The following FHL5 variants were observed in gnomAD, a reference collection of about 807,000 sequenced individuals.
The protein encoded by FHL5 is four and a half LIM domains 5.
FHL5 carries 33 observed loss-of-function variants against 32.0 expected under a neutral mutation model. The ratio of observed to expected loss-of-function variants is 1.03; its 90% confidence interval spans 0.78 to 1.38. The LOEUF is 1.38. Ranked by LOEUF, FHL5 falls within the 40% of genes most tolerant of loss-of-function variation. FHL5 has a pLI of 0.00. For synonymous variants in FHL5, 114 were observed against 113.6 expected (o/e 1.00, Z -0.02); for missense variants, 336 against 343.9 (o/e 0.98, Z 0.18).
intron 5 of FHL5, among the ~76,000 whole-genome samples, chr6:96,613,142 T>A (rs948978994): frequency 1.3e-5 from 2 of 152,328 alleles, no homozygotes; most frequent in Non-Finnish European, 2.9e-5. Flanking sequence ...TATGATAAGG[T>A]AATAGATATG....
chr6:96,588,384 A>G (rs1392853803), intron 1 of FHL5, among the ~76,000 whole-genome samples: 1 of 151,788 alleles, frequency 6.6e-6, no homozygotes, highest in Non-Finnish European at 1.5e-5. Flanking sequence ...CTAATTTTGT[A>G]TTTTCAGTAG....
At chr6:96,614,949 A>T (rs150851083) in intron 5 of FHL5, among the ~76,000 whole-genome samples, 43 of 152,314 alleles carry the variant, frequency 2.8e-4, no homozygotes, top group African/African-American at 9.9e-4. Context: ...AGATTCAACA[A>T]AAGCTGAAGC....
At chr6:96,602,139 G>T (rs1771161070) in intron 1 of FHL5, among the ~76,000 whole-genome samples, 1 of 152,122 alleles carries the variant, frequency 6.6e-6, no homozygotes, top group African/African-American at 2.4e-5. Context: ...TTCATCACTA[G>T]AATAAGGCAA....
At chr6:96,562,976 T>C (rs531868369), upstream of FHL5, 5 of 152,330 alleles carry the variant, frequency 3.3e-5, no homozygotes, top group South Asian at 1.0e-3. Flanking sequence ...TGTGTATGCG[T>C]CTGTGTGAAC....
chr6:96,600,366 A>G (rs1304824228), intron 1 of FHL5, among the ~76,000 whole-genome samples: 2 of 152,090 alleles, frequency 1.3e-5, no homozygotes, highest in Admixed American at 6.6e-5. Context: ...TATTCTCACG[A>G]CTCAACATTT....
chr6:96,611,262 A>G (rs2127975452), intron 5 of FHL5, among the ~76,000 whole-genome samples: 1 of 152,348 alleles, frequency 6.6e-6, no homozygotes, highest in Non-Finnish European at 1.5e-5. Context: ...ATTAAACTTC[A>G]TTTTAAGATG....
intron 1 of FHL5, among the ~76,000 whole-genome samples, chr6:96,594,941 TC>T (rs1485395849): frequency 6.6e-6 from 1 of 152,106 alleles, no homozygotes; most frequent in East Asian, 1.9e-4. Context: ...AATGCTATTT[TC>T]CCCAGTACAT....
At chr6:96,583,429 C>G (rs898869510) in intron 1 of FHL5, among the ~76,000 whole-genome samples, 2 of 152,096 alleles carry the variant, frequency 1.3e-5, no homozygotes, top group Admixed American at 1.3e-4. Context: ...AATTCAGCCA[C>G]TCATTGCACC....
rs1168636713 is a variant in FHL5, at chr6:96,602,426, C to CTTTTTTTTTTTTTTTT, written c.-12-1153_-12-1138dup. ...ACCTGGAAATCTATATGCGTTGTTT[C>CTTTTTTTTTTTTTTTT]TTTTTTTTTTTTTTTTTTTTTTTTT... On this transcript the variant is annotated intron_variant, in intron 1 of 5. Transcript: ENST00000450218. Among the ~76,000 whole-genome samples, 12 of 33,704 alleles carry CTTTTTTTTTTTTTTTT rather than the reference C, an allele frequency of 3.6e-4. 4 individuals carry two copies. Among genetic ancestry groups the CTTTTTTTTTTTTTTTT allele is most frequent in the Admixed American group, 8.4e-4 (2 of 2,378 alleles). The allele number at this position is 33,704 out of a possible 152,430, so 22.1% of individuals were successfully genotyped here.
At chr6:96,591,588 C>T (rs1770918609) in intron 1 of FHL5, among the ~76,000 whole-genome samples, 1 of 152,112 alleles carries the variant, frequency 6.6e-6, no homozygotes, top group African/African-American at 2.4e-5. Context: ...TCTAGGTTGG[C>T]TGCTAATTTT....
intron 1 of FHL5, among the ~76,000 whole-genome samples, chr6:96,576,462 G>A (rs1055238456): frequency 6.6e-6 from 1 of 152,216 alleles, no homozygotes; most frequent in African/African-American, 2.4e-5. Flanking sequence ...AAGAGTGACG[G>A]AGTGAAGAGA....
intron 1 of FHL5, among the ~76,000 whole-genome samples, chr6:96,576,532 C>T (rs1005111798): frequency 1.3e-5 from 2 of 152,224 alleles, no homozygotes; most frequent in Non-Finnish European, 2.9e-5. Flanking sequence ...AAGACCTTTA[C>T]TTTACTGCCA....
chr6:96,613,116 C>T (rs1002719231), intron 5 of FHL5, among the ~76,000 whole-genome samples: 1 of 152,122 alleles, frequency 6.6e-6, no homozygotes, highest in African/African-American at 2.4e-5. Flanking sequence ...GTTCTCACCA[C>T]ACACACAAAA....
At chr6:96,587,414 T>C (rs1333967270) in intron 1 of FHL5, among the ~76,000 whole-genome samples, 1 of 152,182 alleles carries the variant, frequency 6.6e-6, no homozygotes, top group Non-Finnish European at 1.5e-5. Context: ...CATGGTTAAA[T>C]TCCCAGGATC....
At chr6:96,603,372 AT>A (rs370694802) in intron 1 of FHL5, among the ~76,000 whole-genome samples, 134 of 150,948 alleles carry the variant, frequency 8.9e-4, no homozygotes, top group African/African-American at 2.8e-3. Flanking sequence ...GGTTTTATGC[AT>A]TTTTTTTTAG....
At chr6:96,602,946 G>A (rs1280060453) in intron 1 of FHL5, among the ~76,000 whole-genome samples, 1 of 152,094 alleles carries the variant, frequency 6.6e-6, no homozygotes, top group African/African-American at 2.4e-5. Context: ...GTTTGGTAAA[G>A]GACATTTAAA....
chr6:96,602,426 CTTTTTTT>C (rs1168636713), intron 1 of FHL5, among the ~76,000 whole-genome samples: 7,437 of 33,250 alleles, frequency 0.22, 711 homozygotes, highest in Middle Eastern at 0.44. Context: ...TGCGTTGTTT[CTTTTTTT>C]TTTTTTTTTT....
At chr6:96,578,877 T>C (rs1480522134) in intron 1 of FHL5, among the ~76,000 whole-genome samples, 4 of 151,972 alleles carry the variant, frequency 2.6e-5, no homozygotes, top group African/African-American at 9.7e-5. Context: ...AAATAAAAAT[T>C]GATTTGGATT....
intron 1 of FHL5, among the ~76,000 whole-genome samples, chr6:96,583,111 G>A (rs1770727706): frequency 6.6e-6 from 1 of 152,042 alleles, no homozygotes; most frequent in Non-Finnish European, 1.5e-5. Flanking sequence ...TGTAGCTTTT[G>A]ATTTTTAACC....
Sources: gnomAD v4.1 joint callset for allele counts (sites outside exome capture counted in the v4.1 genomes callset) on GRCh38, gnomAD v4.1.1 for gene constraint, MANE v1.5 for transcripts, NCBI Gene and HGNC (gene_info 2026-07-23, HGNC 2026-07-21) for gene names.